FAM107B: variants seen among roughly 807,000 people sequenced by gnomAD.
FAM107B encodes the protein family with sequence similarity 107 member B, also known as protein FAM107B.
A neutral mutation model predicts 31.5 loss-of-function variants in FAM107B; 21 were observed. The observed-to-expected ratio is 0.67, with a 90% CI of 0.47 to 0.96. FAM107B has a LOEUF of 0.96. FAM107B is among the 40% of genes least tolerant of loss of function. The pLI, the probability that FAM107B is intolerant of heterozygous loss-of-function variation, is 0.00. For synonymous variants in FAM107B, 157 were observed against 141.5 expected (o/e 1.11, Z -0.78); for missense variants, 452 against 377.1 (o/e 1.20, Z -1.64).
intron 2 of FAM107B, among the ~76,000 whole-genome samples, chr10:14,645,804 C>CT (rs1853738380): frequency 6.6e-6 from 1 of 152,144 alleles, no homozygotes; most frequent in Admixed American, 6.5e-5. Context: ...TTATATGTCA[C>CT]TTTGGCTGAC....
chr10:14,686,095 G>C (rs1854979335), intron 1 of FAM107B, among the ~76,000 whole-genome samples: 1 of 152,122 alleles, frequency 6.6e-6, no homozygotes, highest in Non-Finnish European at 1.5e-5. Flanking sequence ...TACAATTCAA[G>C]GTGAGATTTG....
At chr10:14,559,865 G>C (rs1850086169) in intron 2 of FAM107B, among the ~76,000 whole-genome samples, 1 of 151,798 alleles carries the variant, frequency 6.6e-6, no homozygotes, top group South Asian at 2.1e-4. Context: ...CACCGCGCCC[G>C]GCCTCTCAGA....
At chr10:14,665,624 T>C (rs563848408) in intron 2 of FAM107B, among the ~76,000 whole-genome samples, 1 of 152,320 alleles carries the variant, frequency 6.6e-6, no homozygotes, top group South Asian at 2.1e-4. Flanking sequence ...AGATCAAGGG[T>C]AAATGTGCAA....
chr10:14,725,227 T>C (rs764678295), intron 1 of FAM107B, among the ~76,000 whole-genome samples: 1 of 152,018 alleles, frequency 6.6e-6, no homozygotes, highest in Admixed American at 6.6e-5. Flanking sequence ...GATGGCTGAG[T>C]TTTCTAGAAG....
At chr10:14,568,102 C>T (rs7074929) in intron 2 of FAM107B, among the ~76,000 whole-genome samples, 2 of 152,108 alleles carry the variant, frequency 1.3e-5, no homozygotes, top group Non-Finnish European at 2.9e-5. Flanking sequence ...GCTACGACCA[C>T]GAAATGCTAG....
chr10:14,693,256 T>A (rs2688844), intron 1 of FAM107B, among the ~76,000 whole-genome samples: 62,821 of 151,922 alleles, frequency 0.41, 13,220 homozygotes, highest in African/African-American at 0.47. Context: ...TGGGTGGATC[T>A]CCTGAGGTCA....
At chr10:14,632,784 T>A (rs929202588) in intron 2 of FAM107B, among the ~76,000 whole-genome samples, 11 of 151,654 alleles carry the variant, frequency 7.3e-5, no homozygotes, top group Admixed American at 6.6e-4. Flanking sequence ...CACAAAGTGA[T>A]TGAGGGTCCT....
chr10:14,762,776 ACACACACACACACACACACACACAC>A (rs1229878104), intron 1 of FAM107B, among the ~76,000 whole-genome samples: 36 of 150,946 alleles, frequency 2.4e-4, no homozygotes, highest in African/African-American at 8.6e-4. Flanking sequence ...ACACACACAC[ACACACACACACACACACACACACAC>A]AAAAAGAACA....
At chr10:14,526,416 T>A (rs1024741653) in intron 3 of FAM107B, among the ~76,000 whole-genome samples, 3 of 152,232 alleles carry the variant, frequency 2.0e-5, no homozygotes, top group Admixed American at 1.3e-4. Flanking sequence ...CCTCAGGTGA[T>A]CTGCCTGCCT....
At chr10:14,724,170 C>G (rs940162446) in intron 1 of FAM107B, 1 of 451,748 alleles carries the variant, frequency 2.2e-6, no homozygotes, top group Non-Finnish European at 4.0e-6. Context: ...TTCTACGTGT[C>G]TTATATTTAG....
At position 14,521,156 on chromosome 10, in the gene FAM107B, G is replaced by T; in HGVS notation, c.*34C>A. 6.5e-7 allele frequency: 1 copy of T among 1,537,818 alleles called. No homozygotes were observed. Among genetic ancestry groups the T allele is most frequent in the Non-Finnish European group, 9.0e-7 (1 of 1,112,278 alleles). On this transcript the variant is annotated 3_prime_UTR_variant, in exon 5 of 5. Coordinates refer to ENST00000181796, the MANE Select transcript of FAM107B (RefSeq NM_031453.4). ...AGAAGGCACCCACAGACAGCTCTGTGGGGTGACACACGAGGTCTTGGTGCA... is the reference window on the plus strand; with the variant it reads ...AGAAGGCACCCACAGACAGCTCTGTTGGGTGACACACGAGGTCTTGGTGCA...
At chr10:14,640,569 G>A (rs1421559571) in intron 2 of FAM107B, among the ~76,000 whole-genome samples, 1 of 152,170 alleles carries the variant, frequency 6.6e-6, no homozygotes, top group Non-Finnish European at 1.5e-5. Context: ...GCAAATACTG[G>A]ATAATAAAGA....
chr10:14,557,427 G>A lies in FAM107B; in HGVS notation c.470-26912C>T, dbSNP rs575592150. 7.0e-3 allele frequency among the ~76,000 whole-genome samples: 1,063 copies of A among 152,330 alleles called. 6 individuals carry two copies. Among genetic ancestry groups the A allele is most frequent in the Non-Finnish European group, 0.012 (828 of 68,014 alleles). On this transcript the variant is annotated intron_variant, in intron 2 of 4. Transcript: ENST00000181796. ...ATTTGTACTAAACTGGTCACAGTGC[G>A]AAAACAGCTGTTCACTGGTATTGGG... is the stretch of plus-strand genomic sequence containing the variant.
At chr10:14,725,720 C>G (rs2131554230) in intron 1 of FAM107B, among the ~76,000 whole-genome samples, 1 of 151,768 alleles carries the variant, frequency 6.6e-6, no homozygotes, top group African/African-American at 2.4e-5. Context: ...ATGATCTTAT[C>G]TAAACCTAAT....
chr10:14,685,888 G>A (rs142864900), intron 1 of FAM107B, among the ~76,000 whole-genome samples: 13 of 152,224 alleles, frequency 8.5e-5, no homozygotes, highest in African/African-American at 2.9e-4. Flanking sequence ...CAATCATGGC[G>A]GAAGGCAAAA....
At chr10:14,660,894 C>T (rs1233748730) in intron 2 of FAM107B, among the ~76,000 whole-genome samples, 1 of 152,108 alleles carries the variant, frequency 6.6e-6, no homozygotes, top group African/African-American at 2.4e-5. Context: ...TGTGTCCTTC[C>T]CCAAACCTCA....
At position 14,525,582 on chromosome 10, in the gene FAM107B, A is replaced by G. The variant is rs78920050; in HGVS notation, c.654-3563T>C. Among the ~76,000 whole-genome samples, 402 of 152,324 alleles carry G rather than the reference A, an allele frequency of 2.6e-3. 4 individuals are homozygous for G. Among genetic ancestry groups the G allele is most frequent in the African/African-American group, 9.4e-3 (392 of 41,572 alleles). On this transcript the variant is annotated intron_variant, in intron 3 of 4. Coordinates refer to ENST00000181796, the MANE Select transcript of FAM107B (RefSeq NM_031453.4). Reference sequence around the variant, plus strand: ...CCCATCAACCCCTACCTATTCCTGCATCCAGAGATAACTCTTACCAACAGT... The same window carrying G: ...CCCATCAACCCCTACCTATTCCTGCGTCCAGAGATAACTCTTACCAACAGT...
intron 1 of FAM107B, among the ~76,000 whole-genome samples, chr10:14,763,752 G>C (rs930137892): frequency 3.3e-5 from 5 of 152,174 alleles, no homozygotes; most frequent in African/African-American, 1.2e-4. Context: ...ACTGTCTCAA[G>C]TCTGACCCCA....
At chr10:14,618,630 A>G (rs1277117333) in intron 2 of FAM107B, among the ~76,000 whole-genome samples, 2 of 152,226 alleles carry the variant, frequency 1.3e-5, no homozygotes, top group African/African-American at 4.8e-5. Flanking sequence ...TGAGGTCAGC[A>G]GTTCAAGACC....
Sources: gnomAD v4.1 joint callset for allele counts (sites outside exome capture counted in the v4.1 genomes callset) on GRCh38, gnomAD v4.1.1 for gene constraint, MANE v1.5 for transcripts, NCBI Gene and HGNC (gene_info 2026-07-23, HGNC 2026-07-21) for gene names.